Variants in NPHP4 observed in about 807,000 individuals in gnomAD.
NPHP4 encodes the protein nephrocystin-4.
In NPHP4, 151 loss-of-function variants were observed where a neutral mutation model predicts 155.8. The ratio of observed to expected loss-of-function variants is 0.97; its 90% CI spans 0.85 to 1.11. The LOEUF (loss-of-function observed/expected upper bound fraction) is 1.11. Among genes scored for constraint, NPHP4 ranks in the 50% least tolerant of loss-of-function variants. The probability of loss-of-function intolerance (pLI) is 0.00; values close to 1 mark genes in which losing one functional copy is unlikely to be tolerated. For missense variants in NPHP4, 1,956 were observed against 1,925.7 expected, an observed-to-expected ratio of 1.02 and a Z score of -0.29; for synonymous variants, 845 against 816.8, an observed-to-expected ratio of 1.03 and a Z score of -0.59.
chr1:5,987,962 ACTT>A (rs1433731526), intron 1 of NPHP4, among the ~76,000 whole-genome samples: 2 of 152,212 alleles, frequency 1.3e-5, no homozygotes, highest in Admixed American at 6.5e-5. Context: ...CTAGCTTCAC[ACTT>A]CTTCAAGACT....
chr1:5,981,352 G>C (rs747064595), intron 2 of NPHP4, among the ~76,000 whole-genome samples: 4 of 152,026 alleles, frequency 2.6e-5, no homozygotes, highest in Non-Finnish European at 5.9e-5. Context: ...CACAGTATAG[G>C]GCAGAGTCAA....
chr1:5,947,036 C>T, intron 9 of NPHP4, 68 bp downstream of exon 9: 1 of 1,548,078 alleles, frequency 6.5e-7, no homozygotes, highest in Non-Finnish European at 8.9e-7. Flanking sequence ...CATTCATGCC[C>T]ACTACATTTA....
intron 11 of NPHP4, among the ~76,000 whole-genome samples, chr1:5,919,580 C>A (rs1645635615): frequency 6.6e-6 from 1 of 152,178 alleles, no homozygotes; most frequent in Admixed American, 6.5e-5. Context: ...AGGAGGACCA[C>A]CTGAACAAGC....
Position 5,967,351 on chromosome 1 carries a change from G to T in NPHP4, c.465C>A (p.Tyr155Ter). 1 of 1,606,642 alleles carries T rather than the reference G, an allele frequency of 6.2e-7. No individual in the cohort carries two copies. ...GCAGGAGGGCTCTGGGGGTGCCATG[G>T]TACAGCCGCAACCTGGAAGACAGGA... ...SASQDKRLRL[Y>*]HGTPRALLHP... is the part of the protein sequence containing the mutation. The change falls in exon 5 of 30, where the codon TAC becomes TAA. Residue 155 changes from tyrosine (Y) to a stop codon, truncating the protein, a stop_gained. Transcript: ENST00000378156. LOFTEE classifies it high-confidence loss of function.
chr1:5,979,344 G>A (rs911220923), intron 2 of NPHP4, among the ~76,000 whole-genome samples: 1 of 152,026 alleles, frequency 6.6e-6, no homozygotes, highest in African/African-American at 2.4e-5. Context: ...GGCGGGGCAG[G>A]GCAGGGCAGG....
chr1:5,953,551 T>C (rs1648606021), intron 6 of NPHP4, among the ~76,000 whole-genome samples: 1 of 152,250 alleles, frequency 6.6e-6, no homozygotes, highest in African/African-American at 2.4e-5. Context: ...CTTACTTTAC[T>C]GTGTTACCTT....
chr1:5,967,901 C>T (rs1046035546), intron 4 of NPHP4, among the ~76,000 whole-genome samples: 1 of 151,988 alleles, frequency 6.6e-6, no homozygotes, highest in African/African-American at 2.4e-5. Flanking sequence ...TCAGTGGTGT[C>T]AAGCTTGAGA....
At chr1:5,984,702 G>C (rs1329254496) in intron 2 of NPHP4, among the ~76,000 whole-genome samples, 1 of 152,186 alleles carries the variant, frequency 6.6e-6, no homozygotes, top group Non-Finnish European at 1.5e-5. Context: ...GGGATGCCAT[G>C]GGATGATTCA....
Position 5,947,249 on chromosome 1 carries a change from C to T in NPHP4, c.993-19G>A. 6.2e-7 allele frequency: 1 copy of T among 1,612,870 alleles called. No individual in the cohort carries two copies. Among genetic ancestry groups the T allele is most frequent in the African/African-American group, 1.3e-5 (1 of 74,986 alleles). On this transcript the variant is annotated intron_variant, in intron 8 of 29. Transcript: ENST00000378156. ...CCCGGAGCTGGGTCAGAAACACAAA[C>T]CAGGGACACATTAGAGCTCGAGCTC...
Position 5,891,009 on chromosome 1 carries a change from C to G in NPHP4, c.2163G>C (p.Leu721=). 2 of 1,558,602 alleles carry G rather than the reference C, an allele frequency of 1.3e-6. No homozygotes were observed. Among genetic ancestry groups the G allele is most frequent in the Non-Finnish European group, 8.8e-7 (1 of 1,140,208 alleles). ...GGAACCCAGGGCCCACCATGTACCT[C>G]AGCTGGAAGCCAGGAGACCCTGTCA... ...TFDAGSPGFQ[L]RYMVGPGFLK... Residue 721 remains leucine, a synonymous_variant, in exon 17 of 30, where the codon CTG becomes CTC. Coordinates refer to ENST00000378156, the MANE Select transcript of NPHP4 (RefSeq NM_015102.5).
At chr1:5,931,351 A>T (rs1393334055) in intron 10 of NPHP4, among the ~76,000 whole-genome samples, 1 of 151,934 alleles carries the variant, frequency 6.6e-6, no homozygotes, top group Non-Finnish European at 1.5e-5. Flanking sequence ...TGCATTTAAA[A>T]GTTGTATTTA....
In NPHP4 at chr1:5,944,554, G is replaced by A. The variant is rs1435113417; in HGVS notation, c.1119+2550C>T. On this transcript the variant is annotated intron_variant, in intron 9 of 29. Coordinates refer to ENST00000378156, the MANE Select transcript of NPHP4 (RefSeq NM_015102.5). The surrounding 1 kb of genome is among the most constrained non-coding windows in gnomAD (Gnocchi z 4.3). ...TGGTTCCGCACAGGAAGCAATTTTTGTGTGGAAGGTCATTTCACACACTGC... is the reference window on the plus strand; with the variant it reads ...TGGTTCCGCACAGGAAGCAATTTTTATGTGGAAGGTCATTTCACACACTGC... Among the ~76,000 whole-genome samples, 3 of 152,212 alleles carry A rather than the reference G, an allele frequency of 2.0e-5. No homozygotes were observed. Among genetic ancestry groups the A allele is most frequent in the Non-Finnish European group, 4.4e-5 (3 of 68,038 alleles).
At chr1:5,912,051 G>A (rs1171996677) in intron 11 of NPHP4, among the ~76,000 whole-genome samples, 1 of 152,236 alleles carries the variant, frequency 6.6e-6, no homozygotes, top group Non-Finnish European at 1.5e-5. Flanking sequence ...GCTGCGGTGA[G>A]CAGACAGACG....
At chr1:5,878,055 G>A (rs763001451) in intron 19 of NPHP4, among the ~76,000 whole-genome samples, 1 of 152,204 alleles carries the variant, frequency 6.6e-6, no homozygotes, top group African/African-American at 2.4e-5. Flanking sequence ...CCAGAAAATC[G>A]CTCAGCCCGG....
chr1:5,920,124 G>C lies in NPHP4; in HGVS notation c.1441+7525C>G, dbSNP rs139258970. ...TTTTTGTATTTTTAGTAGAGATAGG[G>C]TTTCACCATGTTAGCCAGGATGGTC... On this transcript the variant is annotated intron_variant, in intron 11 of 29. Transcript: ENST00000378156. Among the ~76,000 whole-genome samples, 922 of 152,206 alleles carry C rather than the reference G, an allele frequency of 6.1e-3. 11 individuals are homozygous for C. Among genetic ancestry groups the C allele is most frequent in the African/African-American group, 0.02 (822 of 41,530 alleles).
At chr1:5,880,339 T>G in intron 18 of NPHP4, 100 bp from the exon 19 acceptor site, 3 of 1,225,560 alleles carry the variant, frequency 2.4e-6, no homozygotes, top group South Asian at 1.3e-5. Context: ...TCAAATGGCC[T>G]ATCTACACCC....
chr1:5,865,497 C>G, intron 26 of NPHP4: 1 of 465,334 alleles, frequency 2.1e-6, no homozygotes, highest in Non-Finnish European at 3.8e-6. Flanking sequence ...CCCTGGCTGC[C>G]CATCTCCCAC....
rs1159871433 is a variant in NPHP4 at position 5,863,400 on chromosome 1, C to T, written c.4146G>A (p.Gly1382=). 1.2e-6 allele frequency: 2 copies of T among 1,612,718 alleles called. No homozygotes were observed. The highest frequency in any genetic ancestry group is 1.7e-5 in the Admixed American group (1 of 59,976). Residue 1382 remains glycine, a synonymous_variant, in exon 30 of 30, where the codon GGG becomes GGA. Coordinates refer to ENST00000378156, the MANE Select transcript of NPHP4 (RefSeq NM_015102.5). ...LRFREDSFQV[G]GGETYTIGLQ... ...AGCCGATGGTGTAGGTCTCTCCACCCCCGACCTGGAAATAAGCATCCAAAT... is the reference window on the plus strand; with the variant it reads ...AGCCGATGGTGTAGGTCTCTCCACCTCCGACCTGGAAATAAGCATCCAAAT...
intron 10 of NPHP4, among the ~76,000 whole-genome samples, chr1:5,930,732 C>T (rs979455113): frequency 8.5e-5 from 13 of 152,288 alleles, no homozygotes; most frequent in Non-Finnish European, 1.3e-4. Context: ...TTGTAAACAA[C>T]GTGTATCCTG....
Sources: gnomAD v4.1 joint callset for allele counts (sites outside exome capture counted in the v4.1 genomes callset) on GRCh38, gnomAD v4.1.1 for gene constraint, Gnocchi (gnomAD v3.1) non-coding constraint, MANE v1.5 for transcripts, NCBI Gene and HGNC (gene_info 2026-07-23, HGNC 2026-07-21) for gene names.